The following GRID2 variants were observed in gnomAD, a reference collection of about 807,000 sequenced individuals.
The protein encoded by GRID2 is glutamate receptor ionotropic, delta-2.
GRID2 carries 33 observed loss-of-function variants against 114.8 expected under a neutral mutation model. The ratio of observed to expected loss-of-function variants is 0.29; its 90% CI spans 0.22 to 0.38. The LOEUF is 0.38. Ranked by LOEUF, GRID2 falls within the 10% of genes least tolerant of loss-of-function variation. The probability of loss-of-function intolerance (pLI) is 1.00; values close to 1 mark genes in which losing one functional copy is unlikely to be tolerated. For synonymous variants in GRID2, 505 were observed against 449.9 expected, an observed-to-expected ratio of 1.12 and a Z score of -1.55; for missense variants, 1,184 against 1,257.7, an observed-to-expected ratio of 0.94 and a Z score of 0.89.
chr4:93,204,945 T>C (rs571458382), intron 4 of GRID2, among the ~76,000 whole-genome samples: 1 of 152,180 alleles, frequency 6.6e-6, no homozygotes, highest in Non-Finnish European at 1.5e-5. Flanking sequence ...TGCCTATCTA[T>C]TGGTATTCAC....
intron 2 of GRID2, among the ~76,000 whole-genome samples, chr4:93,041,954 G>C (rs987884120): frequency 6.6e-5 from 10 of 152,056 alleles, no homozygotes; most frequent in African/African-American, 2.4e-4. Context: ...CCAGGCTGGA[G>C]TGCAATGGCG....
chr4:93,487,219 T>C (rs2149454780), intron 11 of GRID2, among the ~76,000 whole-genome samples: 1 of 152,002 alleles, frequency 6.6e-6, no homozygotes, highest in Non-Finnish European at 1.5e-5. Context: ...CAGCTTATTT[T>C]GGTCTTTTTA....
chr4:93,198,091 C>G (rs1288054819), intron 4 of GRID2, among the ~76,000 whole-genome samples: 4 of 152,034 alleles, frequency 2.6e-5, no homozygotes, highest in Non-Finnish European at 5.9e-5. Flanking sequence ...TCTCTTATTT[C>G]CGCAAGCAAC....
At chr4:92,969,722 T>C (rs1753377106) in intron 2 of GRID2, among the ~76,000 whole-genome samples, 1 of 151,824 alleles carries the variant, frequency 6.6e-6, no homozygotes, top group African/African-American at 2.4e-5. Flanking sequence ...AATGTGTTTT[T>C]GACATAGGAT....
chr4:93,741,203 A>G (rs1271284998), intron 14 of GRID2, among the ~76,000 whole-genome samples: 5 of 91,638 alleles, frequency 5.5e-5, no homozygotes, highest in African/African-American at 8.6e-5. Context: ...ATATATATGT[A>G]TATATATATA....
At chr4:93,782,964 G>A (rs1290836198) in intron 1 of GRID2, among the ~76,000 whole-genome samples, 2 of 151,826 alleles carry the variant, frequency 1.3e-5, no homozygotes, top group Non-Finnish European at 1.5e-5. Context: ...CACTAATTAT[G>A]TACACCTGTT....
At chr4:93,774,627 A>G (rs1734318535), downstream of GRID2, 2 of 152,152 alleles carry the variant, frequency 1.3e-5, no homozygotes, top group Non-Finnish European at 2.9e-5. Context: ...ATTGAACTAA[A>G]TTTTTCTAAA....
chr4:92,480,884 C>T (rs960242521), intron 1 of GRID2, among the ~76,000 whole-genome samples: 28 of 152,300 alleles, frequency 1.8e-4, no homozygotes, highest in African/African-American at 6.5e-4. Context: ...CTCCCTTGCT[C>T]ACTATGCTCC....
chr4:93,738,530 A>G (rs79004388), intron 14 of GRID2, among the ~76,000 whole-genome samples: 6,857 of 152,168 alleles, frequency 0.045, 252 homozygotes, highest in African/African-American at 0.094. Context: ...GGGAAGACTT[A>G]ATAAATGCCT....
At chr4:93,166,485 G>C (rs150829596) in intron 4 of GRID2, among the ~76,000 whole-genome samples, 33 of 152,290 alleles carry the variant, frequency 2.2e-4, no homozygotes, top group African/African-American at 7.9e-4. Flanking sequence ...CTGCAATGCT[G>C]TCAGCATGAT....
intron 1 of GRID2, among the ~76,000 whole-genome samples, chr4:92,409,001 G>T (rs1731167682): frequency 6.6e-6 from 1 of 152,000 alleles, no homozygotes; most frequent in Non-Finnish European, 1.5e-5. Context: ...GACTTCCAGT[G>T]CTATGTTAAA....
chr4:93,188,894 T>TGAG, intron 4 of GRID2, among the ~76,000 whole-genome samples: 1 of 152,162 alleles, frequency 6.6e-6, no homozygotes, highest in Non-Finnish European at 1.5e-5. Context: ...AATGACATGT[T>TGAG]TCTCATTTCT....
intron 8 of GRID2, among the ~76,000 whole-genome samples, chr4:93,301,181 A>G (rs1328157847): frequency 6.6e-6 from 1 of 152,248 alleles, no homozygotes; most frequent in Admixed American, 6.5e-5. Context: ...GAAGCATTTT[A>G]TAATAGGAAA....
chr4:93,264,318 T>C (rs1750565736), intron 8 of GRID2, among the ~76,000 whole-genome samples: 1 of 152,190 alleles, frequency 6.6e-6, no homozygotes, highest in African/African-American at 2.4e-5. Flanking sequence ...TCAAGGAAGA[T>C]GACTTCTTTA....
rs142389573 is a variant in GRID2 at position 92,338,383 on chromosome 4, C to T, written c.88+33639C>T. ...AGAGTATTCACAGATACATTGCATT[C>T]GTATAATTTTGGGTTACTTTTAAAG... On this transcript the variant is annotated intron_variant, in intron 1 of 15. Transcript: ENST00000282020. Among the ~76,000 whole-genome samples, 511 of 152,110 alleles carry T rather than the reference C, an allele frequency of 3.4e-3. 4 individuals carry two copies. Among genetic ancestry groups the T allele is most frequent in the African/African-American group, 0.011 (468 of 41,504 alleles).
chr4:93,154,470 G>T (rs1428668616), intron 4 of GRID2, among the ~76,000 whole-genome samples: 1 of 151,854 alleles, frequency 6.6e-6, no homozygotes, highest in Admixed American at 6.6e-5. Context: ...TCACACTAGT[G>T]GTTAAATATT....
intron 14 of GRID2, among the ~76,000 whole-genome samples, chr4:93,634,769 G>T (rs571683493): frequency 6.6e-6 from 1 of 152,214 alleles, no homozygotes; most frequent in East Asian, 1.9e-4. Context: ...TACTACAAAA[G>T]AATTAGGAAA....
intron 13 of GRID2, among the ~76,000 whole-genome samples, chr4:93,608,585 G>C (rs1351743053): frequency 3.5e-5 from 5 of 143,350 alleles, no homozygotes; most frequent in Non-Finnish European, 6.2e-5. Context: ...TCTTGCAATA[G>C]TTTACTGAGA....
chr4:93,511,904 C>T (rs999137321), intron 12 of GRID2, among the ~76,000 whole-genome samples: 5 of 151,936 alleles, frequency 3.3e-5, no homozygotes, highest in African/African-American at 1.2e-4. Flanking sequence ...ACCTCAGCCT[C>T]CTGAGTATCT....
Sources: allele counts gnomAD v4.1 joint callset (sites outside exome capture counted in the v4.1 genomes callset), GRCh38; gene constraint gnomAD v4.1.1; transcripts MANE v1.5; gene names NCBI Gene and HGNC (gene_info 2026-07-23, HGNC 2026-07-21).